ADCY8: variants seen among roughly 807,000 people sequenced by gnomAD.
ADCY8 encodes the protein adenylate cyclase 8.
A neutral mutation model predicts 119.7 loss-of-function variants in ADCY8; 51 were observed. The ratio of observed to expected loss-of-function variants is 0.43; its 90% CI spans 0.34 to 0.54. The LOEUF is 0.54. Ranked by LOEUF, ADCY8 falls within the 20% of genes least tolerant of loss-of-function variation. The pLI, the probability that ADCY8 is intolerant of heterozygous loss-of-function variation, is 0.03. For synonymous variants in ADCY8, 665 were observed against 651.0 expected, an observed-to-expected ratio of 1.02 and a Z score of -0.33; for missense variants, 1,383 against 1,598.8, an observed-to-expected ratio of 0.87 and a Z score of 2.30.
chr8:130,884,434 C>T (rs1014362298), intron 8 of ADCY8, 130 bp downstream of exon 8: 2 of 904,518 alleles, frequency 2.2e-6, no homozygotes, highest in African/African-American at 3.3e-5. Flanking sequence ...AAATGAAAGA[C>T]AGTACCAAAC....
intron 15 of ADCY8, among the ~76,000 whole-genome samples, chr8:130,789,854 A>G (rs1815369460): frequency 6.6e-6 from 1 of 152,178 alleles, no homozygotes; most frequent in Non-Finnish European, 1.5e-5. Context: ...CGGCCCCTTC[A>G]GTCCTACTGA....
At chr8:130,952,074 TC>T (rs1821292101) in intron 2 of ADCY8, 76 bp from the exon 3 acceptor site, 1 of 1,555,400 alleles carries the variant, frequency 6.4e-7, no homozygotes, top group East Asian at 2.3e-5. Flanking sequence ...GGTGGAGAAG[TC>T]ATGGGGCTTT....
intron 1 of ADCY8, among the ~76,000 whole-genome samples, chr8:131,030,043 T>C (rs1823949861): frequency 6.6e-6 from 1 of 152,200 alleles, no homozygotes. Flanking sequence ...CTGGTGGGCA[T>C]GTGAGAACGT....
At chr8:130,877,428 C>T (rs1157323183) in intron 8 of ADCY8, among the ~76,000 whole-genome samples, 1 of 152,198 alleles carries the variant, frequency 6.6e-6, no homozygotes, top group Non-Finnish European at 1.5e-5. Flanking sequence ...TCCTGATGGA[C>T]TTCCCAAGAA....
At chr8:130,853,947 AT>A (rs1394138141) in intron 9 of ADCY8, among the ~76,000 whole-genome samples, 1 of 152,232 alleles carries the variant, frequency 6.6e-6, no homozygotes, top group Admixed American at 6.5e-5. Context: ...AAACAAAGTC[AT>A]AAAGTAGTAT....
intron 2 of ADCY8, among the ~76,000 whole-genome samples, chr8:130,981,661 G>A (rs953321829): frequency 6.6e-6 from 1 of 152,174 alleles, no homozygotes; most frequent in African/African-American, 2.4e-5. Flanking sequence ...TTGCACATGA[G>A]CATAGGGTCA....
chr8:130,885,329 C>T (rs1818941418), intron 7 of ADCY8, among the ~76,000 whole-genome samples: 1 of 151,396 alleles, frequency 6.6e-6, no homozygotes, highest in African/African-American at 2.4e-5. Flanking sequence ...CTAATATGTC[C>T]CTCCCTCAGC....
At chr8:130,944,191 G>C (rs1002451335) in intron 3 of ADCY8, among the ~76,000 whole-genome samples, 1 of 152,190 alleles carries the variant, frequency 6.6e-6, no homozygotes, top group Non-Finnish European at 1.5e-5. Flanking sequence ...GGAAACTGAG[G>C]CTCAGAGATG....
intron 5 of ADCY8, among the ~76,000 whole-genome samples, chr8:130,922,689 TTG>T (rs772232520): frequency 6.6e-6 from 1 of 152,216 alleles, no homozygotes; most frequent in Non-Finnish European, 1.5e-5. Flanking sequence ...AAAACCGCCA[TTG>T]TCATCATGGC....
chr8:130,881,481 T>C (rs1818768758), intron 8 of ADCY8, among the ~76,000 whole-genome samples: 1 of 152,206 alleles, frequency 6.6e-6, no homozygotes. Flanking sequence ...TCAAACGGAA[T>C]AAAGCCTTTC....
At chr8:130,970,131 C>T (rs1821878778) in intron 2 of ADCY8, among the ~76,000 whole-genome samples, 1 of 152,162 alleles carries the variant, frequency 6.6e-6, no homozygotes, top group Non-Finnish European at 1.5e-5. Flanking sequence ...CAGTTGCCTG[C>T]TCCCTAGATC....
Position 130,849,788 on chromosome 8 carries a change from G to T in ADCY8, c.2226C>A (p.Thr742=). 6.2e-7 allele frequency: 1 copy of T among 1,612,774 alleles called. No individual in the cohort carries two copies. Residue 742 remains threonine, a synonymous_variant, in exon 10 of 18, where the codon ACC becomes ACA. Coordinates refer to ENST00000286355, the MANE Select transcript of ADCY8 (RefSeq NM_001115.3). ...GCATAATCAGAATGGAGAACTGGAT[G>T]GTCATTGGCATCACTCTGCAGGGAA... ...LLPSSRVMPM[T]IQFSILIMLH... is the part of the protein sequence containing the mutation.
At chr8:130,980,124 C>G (rs1172896198) in intron 2 of ADCY8, among the ~76,000 whole-genome samples, 1 of 152,104 alleles carries the variant, frequency 6.6e-6, no homozygotes, top group Non-Finnish European at 1.5e-5. Context: ...CAACCTCTGC[C>G]TCTGTCTTCA....
intron 8 of ADCY8, among the ~76,000 whole-genome samples, chr8:130,870,968 A>G (rs562525438): frequency 3.9e-5 from 6 of 152,360 alleles, no homozygotes; most frequent in African/African-American, 1.2e-4. Context: ...GAAGCATTCT[A>G]TTATTTTCCT....
intron 9 of ADCY8, among the ~76,000 whole-genome samples, chr8:130,857,647 C>T (rs1369604528): frequency 6.6e-6 from 1 of 152,160 alleles, no homozygotes; most frequent in Non-Finnish European, 1.5e-5. Flanking sequence ...GTGGTGTGCG[C>T]CCCCACCAGG....
chr8:130,911,342 T>C (rs1819974055), intron 5 of ADCY8, among the ~76,000 whole-genome samples: 1 of 152,164 alleles, frequency 6.6e-6, no homozygotes, highest in Non-Finnish European at 1.5e-5. Context: ...ATCTTCTAAA[T>C]GAAGATTTCT....
At chr8:130,855,751 A>G (rs1203262939) in intron 9 of ADCY8, among the ~76,000 whole-genome samples, 3 of 151,980 alleles carry the variant, frequency 2.0e-5, no homozygotes. Flanking sequence ...GTCACTGTGA[A>G]CCGTCAACTC....
intron 9 of ADCY8, among the ~76,000 whole-genome samples, chr8:130,854,842 CCTTCCCTCCCTCCCTCTG>C (rs1817664349): frequency 8.9e-6 from 1 of 112,766 alleles, no homozygotes; most frequent in Non-Finnish European, 1.8e-5. Flanking sequence ...TCCCTCCCTT[CCTTCCCTCCCTCCCTCTG>C]TAGGTCACTA....
intron 2 of ADCY8, among the ~76,000 whole-genome samples, chr8:130,986,893 G>A (rs1287841780): frequency 3.3e-5 from 5 of 152,212 alleles, no homozygotes; most frequent in Non-Finnish European, 5.9e-5. Flanking sequence ...ACAATTTGCT[G>A]CAGGATATCA....
Sources: gnomAD v4.1 joint callset for allele counts (sites outside exome capture counted in the v4.1 genomes callset) on GRCh38, gnomAD v4.1.1 for gene constraint, MANE v1.5 for transcripts, NCBI Gene and HGNC (gene_info 2026-07-23, HGNC 2026-07-21) for gene names.